The following GPC6 variants were observed in gnomAD, a reference collection of about 807,000 sequenced individuals.
GPC6 encodes glypican 6.
A neutral mutation model predicts 55.2 loss-of-function variants in GPC6; 14 were observed. The ratio of observed to expected loss-of-function variants is 0.25; its 90% confidence interval spans 0.17 to 0.40. The LOEUF (loss-of-function observed/expected upper bound fraction) is 0.40. GPC6 is among the 10% of genes least tolerant of loss of function. The pLI, the probability that GPC6 is intolerant of heterozygous loss-of-function variation, is 1.00. For missense variants in GPC6, 641 were observed against 708.5 expected, an observed-to-expected ratio of 0.90 and a Z score of 1.08; for synonymous variants, 278 against 259.6, an observed-to-expected ratio of 1.07 and a Z score of -0.68.
At chr13:94,169,776 A>G (rs1888495325) in intron 4 of GPC6, among the ~76,000 whole-genome samples, 1 of 152,184 alleles carries the variant, frequency 6.6e-6, no homozygotes, top group Non-Finnish European at 1.5e-5. Flanking sequence ...GGAGATCCAC[A>G]GAGAACGTCA....
intron 2 of GPC6, among the ~76,000 whole-genome samples, chr13:93,627,053 A>T (rs1879233531): frequency 1.3e-5 from 2 of 152,000 alleles, no homozygotes; most frequent in Non-Finnish European, 2.9e-5. Context: ...TGTGCAGAAC[A>T]TGCAGTTTTG....
chr13:93,446,063 TGA>T (rs1877984561), intron 1 of GPC6, among the ~76,000 whole-genome samples: 1 of 152,216 alleles, frequency 6.6e-6, no homozygotes, highest in Non-Finnish European at 1.5e-5. Context: ...TAGGAATGAT[TGA>T]AAGAAATCTT....
intron 1 of GPC6, among the ~76,000 whole-genome samples, chr13:93,525,318 A>G (rs1881604247): frequency 6.6e-6 from 1 of 152,118 alleles, no homozygotes; most frequent in African/African-American, 2.4e-5. Flanking sequence ...AAGTGTCAGG[A>G]ACATGCCCCC....
intron 2 of GPC6, among the ~76,000 whole-genome samples, chr13:93,777,367 G>A: frequency 6.6e-6 from 1 of 152,026 alleles, no homozygotes; most frequent in South Asian, 2.1e-4. Context: ...CTTTCCATTT[G>A]CCCAGATAAC....
intron 4 of GPC6, among the ~76,000 whole-genome samples, chr13:94,169,617 TC>T (rs1888490205): frequency 6.6e-6 from 1 of 152,178 alleles, no homozygotes; most frequent in Non-Finnish European, 1.5e-5. Context: ...GACTGACTCT[TC>T]CACAACAAAT....
At chr13:94,354,991 T>C (rs1483471843) in intron 6 of GPC6, among the ~76,000 whole-genome samples, 1 of 151,870 alleles carries the variant, frequency 6.6e-6, no homozygotes. Context: ...CTGGCTCCTG[T>C]GTCCATGTGG....
At chr13:93,266,968 G>A (rs1191049366) in intron 1 of GPC6, among the ~76,000 whole-genome samples, 1 of 152,076 alleles carries the variant, frequency 6.6e-6, no homozygotes. Flanking sequence ...CATGCTTTCT[G>A]GATATGAAAG....
intron 2 of GPC6, among the ~76,000 whole-genome samples, chr13:93,631,274 C>T (rs1879417121): frequency 6.6e-6 from 1 of 152,076 alleles, no homozygotes. Flanking sequence ...CAGGCTCCTC[C>T]CTGCTGCAAA....
At chr13:93,564,134 A>G (rs1056300624) in intron 2 of GPC6, among the ~76,000 whole-genome samples, 1 of 152,146 alleles carries the variant, frequency 6.6e-6, no homozygotes, top group Non-Finnish European at 1.5e-5. Context: ...GGTATAATAC[A>G]TGATAACGTT....
intron 4 of GPC6, among the ~76,000 whole-genome samples, chr13:94,059,871 G>T (rs1244712487): frequency 6.6e-6 from 1 of 151,642 alleles, no homozygotes; most frequent in Non-Finnish European, 1.5e-5. Context: ...TCACTTTGGG[G>T]TTTCATTTTC....
chr13:94,032,748 A>C (rs2138727720), intron 4 of GPC6, among the ~76,000 whole-genome samples: 1 of 152,324 alleles, frequency 6.6e-6, no homozygotes, highest in Non-Finnish European at 1.5e-5. Context: ...GGGCACTCAT[A>C]GACCAGACAC....
intron 1 of GPC6, among the ~76,000 whole-genome samples, chr13:93,280,310 A>C (rs1319655142): frequency 1.3e-5 from 2 of 152,200 alleles, no homozygotes; most frequent in Non-Finnish European, 2.9e-5. Context: ...TTCTTTGTAT[A>C]CATATGGTAA....
chr13:93,846,235 T>C (rs965474684), intron 3 of GPC6, among the ~76,000 whole-genome samples: 5 of 152,192 alleles, frequency 3.3e-5, no homozygotes, highest in Non-Finnish European at 7.3e-5. Flanking sequence ...TCCTGTTCAA[T>C]GTAATGCAAG....
intron 3 of GPC6, among the ~76,000 whole-genome samples, chr13:93,843,250 G>A (rs1198256998): frequency 6.6e-6 from 1 of 152,094 alleles, no homozygotes; most frequent in Non-Finnish European, 1.5e-5. Flanking sequence ...ATGTGTGGGT[G>A]TACATGTGTG....
At chr13:94,341,527 G>A (rs1384695272) in intron 6 of GPC6, among the ~76,000 whole-genome samples, 5 of 150,444 alleles carry the variant, frequency 3.3e-5, no homozygotes, top group African/African-American at 7.4e-5. Flanking sequence ...GGAGGTTGCC[G>A]TGAGACGAGA....
At position 93,782,786 on chromosome 13, in the gene GPC6, C is replaced by A. The variant is rs550177814; in HGVS notation, c.320-47368C>A. Among the ~76,000 whole-genome samples the A allele has an allele frequency of 9.9e-5, 15 of 151,660 alleles. No individual in the cohort carries two copies. The South Asian group carries it at 3.1e-3, about 32-fold the overall frequency. ...TTTTAAAAATCAAATTATATATATA[C>A]ATATATATATTTGCAGTTGAATTAT... On this transcript the variant is annotated intron_variant, in intron 2 of 8. Transcript: ENST00000377047.
At chr13:93,757,376 C>T (rs1334506548) in intron 2 of GPC6, among the ~76,000 whole-genome samples, 3 of 152,084 alleles carry the variant, frequency 2.0e-5, no homozygotes, top group African/African-American at 7.2e-5. Flanking sequence ...CTCTGAGACA[C>T]CCACAGAAGG....
At chr13:93,777,117 AATT>A (rs1885496196) in intron 2 of GPC6, among the ~76,000 whole-genome samples, 1 of 152,202 alleles carries the variant, frequency 6.6e-6, no homozygotes, top group African/African-American at 2.4e-5. Flanking sequence ...CCTGTTATGT[AATT>A]GAGTGTGGCT....
chr13:93,706,619 AG>A (rs1882856706), intron 2 of GPC6, among the ~76,000 whole-genome samples: 1 of 151,878 alleles, frequency 6.6e-6, no homozygotes, highest in African/African-American at 2.4e-5. Context: ...GTCATCTGCA[AG>A]TGTCATGTAG....
Sources: gnomAD v4.1 joint callset for allele counts (sites outside exome capture counted in the v4.1 genomes callset) on GRCh38, gnomAD v4.1.1 for gene constraint, MANE v1.5 for transcripts, NCBI Gene and HGNC (gene_info 2026-07-23, HGNC 2026-07-21) for gene names.